Variants in PRKCI observed in about 807,000 individuals in gnomAD.
The protein encoded by PRKCI is protein kinase C iota type.
In PRKCI, 43 loss-of-function variants were observed where a neutral mutation model predicts 84.0. The ratio of observed to expected loss-of-function variants is 0.51; its 90% CI spans 0.40 to 0.66. The LOEUF (loss-of-function observed/expected upper bound fraction) is 0.66. Among genes scored for constraint, PRKCI ranks in the 30% least tolerant of loss-of-function variants. The pLI, the probability that PRKCI is intolerant of heterozygous loss-of-function variation, is 0.00. For synonymous variants in PRKCI, 216 were observed against 234.4 expected (o/e 0.92, Z 0.72); for missense variants, 459 against 745.6 (o/e 0.62, Z 4.48).
At chr3:170,263,126 G>A (rs565071813) in intron 3 of PRKCI, among the ~76,000 whole-genome samples, 1 of 149,482 alleles carries the variant, frequency 6.7e-6, no homozygotes, top group Non-Finnish European at 1.5e-5. Context: ...TCGAGATCGC[G>A]CCACTGCACT....
intron 3 of PRKCI, among the ~76,000 whole-genome samples, chr3:170,261,968 T>G (rs898761387): frequency 6.6e-6 from 1 of 152,188 alleles, no homozygotes; most frequent in Non-Finnish European, 1.5e-5. Context: ...TTAAGTCTTA[T>G]TGCCTTTTAA....
intron 1 of PRKCI, among the ~76,000 whole-genome samples, chr3:170,232,584 A>G (rs74981051): frequency 6.6e-6 from 1 of 150,546 alleles, no homozygotes; most frequent in Admixed American, 6.6e-5. Context: ...TTTTTTTTTT[A>G]GAGACAGAGT....
At chr3:170,253,011 T>G (rs1473521001) in intron 2 of PRKCI, among the ~76,000 whole-genome samples, 1 of 152,232 alleles carries the variant, frequency 6.6e-6, no homozygotes, top group Non-Finnish European at 1.5e-5. Context: ...CTTGACACAA[T>G]GTCTTCCAGT....
chr3:170,225,358 T>A lies in PRKCI; in HGVS notation c.101+2588T>A, dbSNP rs567783099. On this transcript the variant is annotated intron_variant, in intron 1 of 17. Coordinates refer to ENST00000295797, the MANE Select transcript of PRKCI (RefSeq NM_002740.6). ...TGGTATTACATAGTCAGCTGCTCAT[T>A]AATATAGATGAAGCTAAAATGAGTC... Among the ~76,000 whole-genome samples the A allele has an allele frequency of 2.0e-5, 3 of 152,324 alleles. No homozygotes were observed. The South Asian group carries it at 6.2e-4, about 32-fold the overall frequency.
chr3:170,233,174 G>A (rs1403709546), intron 1 of PRKCI, among the ~76,000 whole-genome samples: 1 of 107,884 alleles, frequency 9.3e-6, no homozygotes, highest in Non-Finnish European at 2.1e-5. Flanking sequence ...GCCTAATTTA[G>A]AAGAAAAGCT....
chr3:170,275,427 T>C, intron 8 of PRKCI, 140 bp downstream of exon 8: 1 of 713,728 alleles, frequency 1.4e-6, no homozygotes, highest in Non-Finnish European at 2.1e-6. Context: ...GATTCCAGAG[T>C]TTTATTCTGA....
intron 8 of PRKCI, chr3:170,280,007 C>A: frequency 2.7e-6 from 1 of 369,826 alleles, no homozygotes; most frequent in East Asian, 4.3e-5. Context: ...AACTCCCTCC[C>A]CATTCTTATT....
chr3:170,300,565 C>G (rs777680066), intron 17 of PRKCI, among the ~76,000 whole-genome samples: 2 of 150,170 alleles, frequency 1.3e-5, no homozygotes, highest in East Asian at 1.9e-4. Context: ...TCCTCATTTT[C>G]ATTTCATCTT....
chr3:170,231,525 C>T (rs1020467731), intron 1 of PRKCI, among the ~76,000 whole-genome samples: 5 of 151,758 alleles, frequency 3.3e-5, no homozygotes, highest in East Asian at 3.9e-4. Context: ...AGTGTAGTGG[C>T]GTGATCTCGG....
At chr3:170,276,077 C>T (rs750901101) in intron 8 of PRKCI, among the ~76,000 whole-genome samples, 4 of 151,428 alleles carry the variant, frequency 2.6e-5, no homozygotes, top group Non-Finnish European at 1.5e-5. Context: ...AGGACTATAG[C>T]CCTGTGCCAC....
At chr3:170,266,750 T>C (rs1302198292) in intron 4 of PRKCI, among the ~76,000 whole-genome samples, 1 of 152,198 alleles carries the variant, frequency 6.6e-6, no homozygotes, top group African/African-American at 2.4e-5. Flanking sequence ...CCCAGCGCTT[T>C]GGGAGGCTGA....
chr3:170,257,439 T>C (rs757604572), intron 2 of PRKCI, among the ~76,000 whole-genome samples: 3 of 152,088 alleles, frequency 2.0e-5, no homozygotes, highest in Non-Finnish European at 2.9e-5. Context: ...GGTAAGAACA[T>C]GGAGAAAGGA....
chr3:170,285,468 T>C (rs1363362080), intron 12 of PRKCI, among the ~76,000 whole-genome samples: 1 of 152,220 alleles, frequency 6.6e-6, no homozygotes, highest in Non-Finnish European at 1.5e-5. Context: ...TATTCCTTGT[T>C]AAGGTAACTG....
In PRKCI at chr3:170,281,181, C is replaced by T. The variant is rs1281629002; in HGVS notation, c.898C>T (p.Gln300Ter). The T allele has an allele frequency of 3.7e-6, 6 of 1,613,036 alleles. No homozygotes were observed. Among genetic ancestry groups the T allele is most frequent in the Non-Finnish European group, 5.1e-6 (6 of 1,179,690 alleles). The change falls in exon 10 of 18, where the codon CAG (glutamine) becomes TAG (stop). Residue 300 changes from glutamine (Q) to a stop codon, truncating the protein, a stop_gained. Transcript: ENST00000295797. LOFTEE classifies it high-confidence loss of function. The stretch of plus-strand genomic sequence containing the variant: ...TTCAAAATAGGATATTGATTGGGTA[C>T]AGACAGAGAAGCATGTGTTTGAGCA... Reference protein sequence around the residue: ...VNDDEDIDWVQTEKHVFEQAS... With the variant: ...VNDDEDIDWV
At position 170,263,434 on chromosome 3, in the gene PRKCI, G is replaced by A; in HGVS notation, c.364+5G>A. On this transcript the variant is annotated splice_donor_5th_base_variant and intron_variant, in intron 4 of 17. Coordinates refer to ENST00000295797, the MANE Select transcript of PRKCI (RefSeq NM_002740.6). ...TGCCTTGTCCAGGAGAAGATAGTGA[G>A]TGTTTATATACTTCATACCTTTTAC... 1 of 1,577,218 alleles carries A rather than the reference G, an allele frequency of 6.3e-7. No individual in the cohort carries two copies. Among genetic ancestry groups the A allele is most frequent in the South Asian group, 1.1e-5 (1 of 90,238 alleles).
chr3:170,224,628 A>G (rs1013870281), intron 1 of PRKCI, among the ~76,000 whole-genome samples: 3 of 152,186 alleles, frequency 2.0e-5, no homozygotes, highest in Non-Finnish European at 4.4e-5. Context: ...GGTTCAAGCA[A>G]TTCGCCTGCC....
intron 2 of PRKCI, among the ~76,000 whole-genome samples, chr3:170,243,218 C>G (rs1733180706): frequency 6.6e-6 from 1 of 152,176 alleles, no homozygotes; most frequent in African/African-American, 2.4e-5. Context: ...TGCCTCACTC[C>G]TGCTCTTTTG....
At chr3:170,283,488 GT>G (rs929887121) in intron 11 of PRKCI, among the ~76,000 whole-genome samples, 1 of 152,070 alleles carries the variant, frequency 6.6e-6, no homozygotes, top group Non-Finnish European at 1.5e-5. Context: ...GCCAACCTGG[GT>G]TTTTTGTTTA....
Position 170,267,463 on chromosome 3 carries a change from C to T in PRKCI, c.365-452C>T, listed in dbSNP as rs556483280. On this transcript the variant is annotated intron_variant, in intron 4 of 17. Coordinates refer to ENST00000295797, the MANE Select transcript of PRKCI (RefSeq NM_002740.6). The stretch of plus-strand genomic sequence containing the variant: ...CCGAGGCGGGCGGATCATCTGAGGT[C>T]GGGAGTTCAAGGCCAGCCTGACCAA... Among the ~76,000 whole-genome samples the T allele has an allele frequency of 5.0e-3, 761 of 151,894 alleles. 6 individuals are homozygous for T. Among genetic ancestry groups the T allele is most frequent in the African/African-American group, 0.018 (728 of 41,434 alleles).
Sources: allele counts gnomAD v4.1 joint callset (sites outside exome capture counted in the v4.1 genomes callset), GRCh38; gene constraint gnomAD v4.1.1; transcripts MANE v1.5; gene names NCBI Gene and HGNC (gene_info 2026-07-23, HGNC 2026-07-21).